SGCZ: variants seen among roughly 807,000 people sequenced by gnomAD.
The protein encoded by SGCZ is zeta-sarcoglycan.
In SGCZ, 40 loss-of-function variants were observed where a neutral mutation model predicts 41.3. The ratio of observed to expected loss-of-function variants is 0.97; its 90% confidence interval spans 0.75 to 1.26. The LOEUF (loss-of-function observed/expected upper bound fraction) is 1.26, where lower values mean the gene tolerates loss of function less well. Among genes scored for constraint, SGCZ ranks in the 50% most tolerant of loss-of-function variants. SGCZ has a pLI of 0.00. For synonymous variants in SGCZ, 206 were observed against 137.5 expected (o/e 1.50, Z -3.49); for missense variants, 552 against 369.8 (o/e 1.49, Z -4.04).
At chr8:14,313,921 TG>T (rs1801628942) in intron 3 of SGCZ, among the ~76,000 whole-genome samples, 2 of 118,740 alleles carry the variant, frequency 1.7e-5, no homozygotes, top group South Asian at 5.0e-4. Context: ...TGTGTGTGTG[TG>T]TGTGTGTGTG....
chr8:14,813,119 T>G (rs1251688544), intron 1 of SGCZ, among the ~76,000 whole-genome samples: 1 of 152,182 alleles, frequency 6.6e-6, no homozygotes, highest in African/African-American at 2.4e-5. Flanking sequence ...GCATTGCAGA[T>G]ACTGGGAGAG....
chr8:14,486,043 A>AT (rs964807989), intron 2 of SGCZ, among the ~76,000 whole-genome samples: 8 of 152,146 alleles, frequency 5.3e-5, no homozygotes, highest in African/African-American at 1.9e-4. Flanking sequence ...GGGTAGAACA[A>AT]TTTTTTTAGA....
chr8:14,906,136 G>A (rs912043105), intron 1 of SGCZ, among the ~76,000 whole-genome samples: 6 of 151,936 alleles, frequency 3.9e-5, no homozygotes, highest in Admixed American at 2.0e-4. Flanking sequence ...TTAAACATGG[G>A]GCTAATTATA....
intron 5 of SGCZ, among the ~76,000 whole-genome samples, chr8:14,139,261 T>A (rs1803294321): frequency 1.3e-5 from 2 of 152,164 alleles, no homozygotes; most frequent in South Asian, 4.1e-4. Flanking sequence ...AAAATTGACA[T>A]CCTAACGTCA....
Position 14,090,643 on chromosome 8 carries a change from G to T in SGCZ, c.745-6C>A, listed in dbSNP as rs374663084. ...GTCTCTGCATTTAAAAATATCTATG[G>T]GAAAAAAGAAATTGCATTTTAATTC... is the stretch of plus-strand genomic sequence containing the variant. On this transcript the variant is annotated splice_polypyrimidine_tract_variant and splice_region_variant and intron_variant, in intron 7 of 7. Transcript: ENST00000382080. 17 of 1,603,632 alleles carry T rather than the reference G, an allele frequency of 1.1e-5. No homozygotes were observed. Among genetic ancestry groups the T allele is most frequent in the Non-Finnish European group, 1.4e-5 (17 of 1,176,436 alleles).
At chr8:15,222,125 G>C (rs552222115) in intron 1 of SGCZ, among the ~76,000 whole-genome samples, 10 of 152,264 alleles carry the variant, frequency 6.6e-5, no homozygotes, top group Admixed American at 1.3e-4. Flanking sequence ...ATCCAAAAGA[G>C]GGCTTTGTAA....
chr8:14,870,869 C>T lies in SGCZ; in HGVS notation c.40-315943G>A, dbSNP rs183902890. 4.6e-5 allele frequency among the ~76,000 whole-genome samples: 7 copies of T among 152,186 alleles called. No homozygotes were observed. In the East Asian group the frequency reaches 1.2e-3, roughly 25 times the overall value. ...GTTAGAGAAATTCAAATCAAAACCA[C>T]AAGGAGATACCATCTCACGCCAGTC... On this transcript the variant is annotated intron_variant, in intron 1 of 7. Transcript: ENST00000382080.
At chr8:15,119,957 A>G (rs1056665444) in intron 1 of SGCZ, among the ~76,000 whole-genome samples, 1 of 151,878 alleles carries the variant, frequency 6.6e-6, no homozygotes, top group Admixed American at 6.6e-5. Context: ...CTATAGGTGC[A>G]TTCCACCAAG....
chr8:14,735,359 G>A lies in SGCZ; in HGVS notation c.40-180433C>T, dbSNP rs151092872. Reference sequence around the variant, plus strand: ...GTGGGTGGGCACCATCCAATTGGCCGCCAGCACGGCTAAAACAAAGCAGGT... The same window carrying A: ...GTGGGTGGGCACCATCCAATTGGCCACCAGCACGGCTAAAACAAAGCAGGT... On this transcript the variant is annotated intron_variant, in intron 1 of 7. Transcript: ENST00000382080. Among the ~76,000 whole-genome samples, 454 of 152,312 alleles carry A rather than the reference G, an allele frequency of 3.0e-3. 3 individuals carry two copies. The highest frequency in any genetic ancestry group is 0.01 in the African/African-American group (431 of 41,572).
chr8:14,870,637 G>C (rs1293198465), intron 1 of SGCZ, among the ~76,000 whole-genome samples: 2 of 151,912 alleles, frequency 1.3e-5, no homozygotes, highest in Non-Finnish European at 2.9e-5. Flanking sequence ...ACTATCATCA[G>C]AGTGAACAGG....
chr8:14,375,066 G>C (rs1804063031), intron 2 of SGCZ, among the ~76,000 whole-genome samples: 1 of 152,100 alleles, frequency 6.6e-6, no homozygotes, highest in Non-Finnish European at 1.5e-5. Flanking sequence ...CAGAAGAGCT[G>C]AGGGAATTGA....
intron 3 of SGCZ, among the ~76,000 whole-genome samples, chr8:14,315,991 G>C (rs906399908): frequency 2.0e-5 from 3 of 151,856 alleles, no homozygotes; most frequent in African/African-American, 4.8e-5. Context: ...ACAAAAGCGA[G>C]TTCTGTTGAT....
intron 3 of SGCZ, among the ~76,000 whole-genome samples, chr8:14,260,379 A>C (rs966572095): frequency 1.4e-5 from 2 of 146,506 alleles, no homozygotes; most frequent in Admixed American, 7.0e-5. Context: ...GAGAAATACA[A>C]ATCAAAACCA....
At chr8:14,729,867 T>A (rs180674039) in intron 1 of SGCZ, among the ~76,000 whole-genome samples, 1 of 152,220 alleles carries the variant, frequency 6.6e-6, no homozygotes, top group East Asian at 1.9e-4. Context: ...GGCAGACCAA[T>A]TGAGGTCAGG....
At chr8:14,822,828 G>A (rs906548891) in intron 1 of SGCZ, among the ~76,000 whole-genome samples, 16 of 152,006 alleles carry the variant, frequency 1.1e-4, no homozygotes, top group African/African-American at 2.9e-4. Context: ...AACTCAAAAT[G>A]AATTCAAGGC....
At chr8:14,893,959 T>A (rs1318215750) in intron 1 of SGCZ, among the ~76,000 whole-genome samples, 1 of 152,200 alleles carries the variant, frequency 6.6e-6, no homozygotes, top group Non-Finnish European at 1.5e-5. Flanking sequence ...AATTCTATGC[T>A]GTTTGTAACA....
chr8:14,991,028 T>C (rs1399065567), intron 1 of SGCZ, among the ~76,000 whole-genome samples: 4 of 152,128 alleles, frequency 2.6e-5, no homozygotes, highest in African/African-American at 7.2e-5. Context: ...CATTGAAAAA[T>C]GCAAAAGACT....
At chr8:14,265,163 A>G (rs12542368) in intron 3 of SGCZ, among the ~76,000 whole-genome samples, 98,422 of 152,006 alleles carry the variant, frequency 0.65, 34,441 homozygotes, top group Non-Finnish European at 0.79. Flanking sequence ...GTGATCTCTT[A>G]GAGATTTCAA....
At chr8:14,251,811 G>A (rs1200611612) in intron 3 of SGCZ, among the ~76,000 whole-genome samples, 6 of 152,104 alleles carry the variant, frequency 3.9e-5, no homozygotes, top group African/African-American at 9.7e-5. Flanking sequence ...TGCCTCCCGG[G>A]TTCAAGTGGT....
Sources: gnomAD v4.1 joint callset for allele counts (sites outside exome capture counted in the v4.1 genomes callset) on GRCh38, gnomAD v4.1.1 for gene constraint, MANE v1.5 for transcripts, NCBI Gene and HGNC (gene_info 2026-07-23, HGNC 2026-07-21) for gene names.